Variants in NEO1 observed in about 807,000 individuals in gnomAD.
NEO1 encodes the protein neogenin.
Under a neutral mutation model 159.7 loss-of-function variants are expected in NEO1, and 63 were observed. The observed-to-expected ratio is 0.39, with a 90% confidence interval of 0.32 to 0.49. The LOEUF is 0.49. Among genes scored for constraint, NEO1 ranks in the 20% least tolerant of loss-of-function variants. The pLI is 0.85. For missense variants in NEO1, 1,615 were observed against 1,831.0 expected (o/e 0.88, Z 2.15); for synonymous variants, 633 against 662.0 (o/e 0.96, Z 0.67).
intron 7 of NEO1, among the ~76,000 whole-genome samples, chr15:73,210,595 C>A (rs545102675): frequency 6.6e-6 from 1 of 152,246 alleles, no homozygotes; most frequent in Non-Finnish European, 1.5e-5. Flanking sequence ...CAAATTAGAG[C>A]AAAATAATTT....
intron 1 of NEO1, among the ~76,000 whole-genome samples, chr15:73,106,494 A>C (rs984903337): frequency 6.6e-6 from 1 of 152,206 alleles, no homozygotes; most frequent in Non-Finnish European, 1.5e-5. Context: ...GTGTGTGTGC[A>C]ATAAGTCTTC....
At chr15:73,239,079 C>T (rs2039355084) in intron 8 of NEO1, among the ~76,000 whole-genome samples, 1 of 152,060 alleles carries the variant, frequency 6.6e-6, no homozygotes, top group Admixed American at 6.5e-5. Context: ...GGACTCCTGA[C>T]CTCAGGCGAT....
chr15:73,135,553 A>C (rs2031653496), intron 4 of NEO1, among the ~76,000 whole-genome samples: 1 of 152,176 alleles, frequency 6.6e-6, no homozygotes, highest in Non-Finnish European at 1.5e-5. Context: ...AAAATTACAT[A>C]ATTTGGAAAA....
chr15:73,052,850 C>A, intron 1 of NEO1, 45 bp downstream of exon 1: 1 of 318,902 alleles, frequency 3.1e-6, no homozygotes. Context: ...GGCGCGGCAC[C>A]GGCTCAGGCG....
intron 10 of NEO1, 33 bp from the exon 11 acceptor site, chr15:73,249,550 T>C (rs1232535358): frequency 1.3e-6 from 2 of 1,557,418 alleles, no homozygotes; most frequent in Admixed American, 4.2e-5. Context: ...TTGGCTTGAG[T>C]GCATATGTAT....
intron 1 of NEO1, among the ~76,000 whole-genome samples, chr15:73,059,545 A>T (rs746389099): frequency 1.3e-5 from 2 of 152,220 alleles, no homozygotes; most frequent in Non-Finnish European, 2.9e-5. Flanking sequence ...ATAAAGATGA[A>T]TTGGACGTGC....
At chr15:73,125,677 G>C (rs1488827544) in intron 3 of NEO1, among the ~76,000 whole-genome samples, 3 of 152,202 alleles carry the variant, frequency 2.0e-5, no homozygotes, top group Non-Finnish European at 4.4e-5. Context: ...CCACAAGAGT[G>C]TGGCCTTTTC....
chr15:73,267,885 T>G (rs952577674), intron 16 of NEO1, among the ~76,000 whole-genome samples: 2 of 152,218 alleles, frequency 1.3e-5, no homozygotes, highest in Admixed American at 1.3e-4. Flanking sequence ...GAAATGTTCT[T>G]TTTCATTTAT....
chr15:73,143,581 G>A, intron 5 of NEO1: 1 of 152,862 alleles, frequency 6.5e-6, no homozygotes, highest in Non-Finnish European at 1.5e-5. Flanking sequence ...GTGGTTCCCA[G>A]GCTCTGCCTC....
At chr15:73,054,970 T>C (rs1356605417) in intron 1 of NEO1, among the ~76,000 whole-genome samples, 1 of 152,142 alleles carries the variant, frequency 6.6e-6, no homozygotes, top group East Asian at 1.9e-4. Flanking sequence ...AGTGGACATG[T>C]TCAGTAGTAG....
At chr15:73,082,085 A>C (rs946859597) in intron 1 of NEO1, among the ~76,000 whole-genome samples, 4 of 151,826 alleles carry the variant, frequency 2.6e-5, no homozygotes, top group African/African-American at 9.7e-5. Context: ...CATTGGCCGG[A>C]CTGGTCTCGA....
At chr15:73,062,176 T>A (rs2068011262) in intron 1 of NEO1, among the ~76,000 whole-genome samples, 1 of 152,198 alleles carries the variant, frequency 6.6e-6, no homozygotes. Flanking sequence ...GCCAACATAT[T>A]GGTTATTTTC....
At chr15:73,163,863 C>T (rs886639505) in intron 5 of NEO1, among the ~76,000 whole-genome samples, 1 of 152,072 alleles carries the variant, frequency 6.6e-6, no homozygotes, top group African/African-American at 2.4e-5. Context: ...ACAGATAGTA[C>T]AGTAATGCAC....
At chr15:73,129,640 A>G (rs1363924602) in intron 4 of NEO1, among the ~76,000 whole-genome samples, 2 of 152,222 alleles carry the variant, frequency 1.3e-5, no homozygotes, top group Non-Finnish European at 2.9e-5. Flanking sequence ...TCTGGAAAAT[A>G]TAAATGCTAG....
intron 7 of NEO1, among the ~76,000 whole-genome samples, chr15:73,179,204 G>C (rs897055344): frequency 6.6e-6 from 1 of 152,124 alleles, no homozygotes. Context: ...AGTAACAAAG[G>C]TTTGACTAGT....
At chr15:73,084,238 A>G (rs1320590674) in intron 1 of NEO1, among the ~76,000 whole-genome samples, 1 of 152,152 alleles carries the variant, frequency 6.6e-6, no homozygotes, top group Non-Finnish European at 1.5e-5. Flanking sequence ...CTTATTGTAC[A>G]ATAGACCTCT....
intron 1 of NEO1, among the ~76,000 whole-genome samples, chr15:73,088,361 A>G (rs915126595): frequency 1.3e-5 from 2 of 152,034 alleles, no homozygotes; most frequent in Admixed American, 6.6e-5. Flanking sequence ...TATGGTCTGG[A>G]TGAAAATGTA....
chr15:73,238,391 A>G (rs2150871418), intron 8 of NEO1, among the ~76,000 whole-genome samples: 1 of 149,218 alleles, frequency 6.7e-6, no homozygotes, highest in South Asian at 2.1e-4. Flanking sequence ...CACCTGGAAC[A>G]GAGCCTGGCA....
chr15:73,235,910 G>A (rs892530139), intron 7 of NEO1, among the ~76,000 whole-genome samples: 5 of 152,210 alleles, frequency 3.3e-5, no homozygotes, highest in African/African-American at 1.2e-4. Context: ...TCATTTGCAA[G>A]ACTTTTATGC....
Sources: allele counts gnomAD v4.1 joint callset (sites outside exome capture counted in the v4.1 genomes callset), GRCh38; gene constraint gnomAD v4.1.1; transcripts MANE v1.5; gene names NCBI Gene and HGNC (gene_info 2026-07-23, HGNC 2026-07-21).